The following ATP10B variants were observed in gnomAD, a reference collection of about 807,000 sequenced individuals.
ATP10B encodes the protein phospholipid-transporting ATPase VB.
ATP10B carries 122 observed loss-of-function variants against 141.2 expected under a neutral mutation model. That is an observed-to-expected ratio of 0.86 (90% CI 0.75 to 1.00). ATP10B has a LOEUF of 1.00. Ranked by LOEUF, ATP10B falls within the 50% of genes least tolerant of loss-of-function variation. ATP10B has a pLI of 0.00. For synonymous variants in ATP10B, 685 were observed against 692.0 expected, an observed-to-expected ratio of 0.99 and a Z score of 0.16; for missense variants, 1,876 against 1,825.3, an observed-to-expected ratio of 1.03 and a Z score of -0.51.
chr5:160,909,571 G>T, the ATP10B span, among the ~76,000 whole-genome samples: 3 of 152,208 alleles, frequency 2.0e-5, no homozygotes, highest in Admixed American at 2.0e-4. Flanking sequence ...AGGTAACTGT[G>T]CATTTCCCAA....
At chr5:160,634,932 G>A (rs1171661558) in intron 11 of ATP10B, among the ~76,000 whole-genome samples, 1 of 152,260 alleles carries the variant, frequency 6.6e-6, no homozygotes. Context: ...GCTGCTGCCC[G>A]CTTTTATAGG....
intron 7 of ATP10B, among the ~76,000 whole-genome samples, chr5:160,655,460 G>C (rs1489911050): frequency 6.6e-6 from 1 of 151,962 alleles, no homozygotes; most frequent in Non-Finnish European, 1.5e-5. Context: ...TCTTCCTCTG[G>C]GGCATCTCCT....
chr5:160,914,338 T>C, the ATP10B span, among the ~76,000 whole-genome samples: 2 of 152,176 alleles, frequency 1.3e-5, no homozygotes, highest in East Asian at 3.9e-4. Context: ...ATGAACCAAC[T>C]ATAGTCATCC....
chr5:160,797,948 G>GAAAAAAAAAAAAA (rs34913318), intron 1 of ATP10B, among the ~76,000 whole-genome samples: 2 of 127,538 alleles, frequency 1.6e-5, no homozygotes, highest in Non-Finnish European at 3.4e-5. Context: ...AAGAAAAAAA[G>GAAAAAAAAAAAAA]AAAAAAAAAA....
At chr5:160,896,969 A>C in the ATP10B span, among the ~76,000 whole-genome samples, 1 of 152,222 alleles carries the variant, frequency 6.6e-6, no homozygotes, top group Non-Finnish European at 1.5e-5. Context: ...AGATGCAGAA[A>C]ATGCCTTTGA....
intron 18 of ATP10B, among the ~76,000 whole-genome samples, chr5:160,609,789 C>T (rs761495366): frequency 5.3e-5 from 8 of 152,136 alleles, no homozygotes; most frequent in African/African-American, 7.2e-5. Flanking sequence ...AGAGCCCAGA[C>T]GGGCCACAGG....
chr5:160,739,360 T>A (rs1767317975), intron 2 of ATP10B, among the ~76,000 whole-genome samples: 1 of 152,124 alleles, frequency 6.6e-6, no homozygotes, highest in Admixed American at 6.5e-5. Flanking sequence ...CAGACAATAG[T>A]CATATAGAAT....
chr5:160,634,651 C>A (rs370591339), intron 11 of ATP10B, 45 bp from the exon 12 acceptor site: 3 of 1,555,268 alleles, frequency 1.9e-6, no homozygotes, highest in Non-Finnish European at 2.6e-6. Context: ...AGGCAGGTTC[C>A]CTCCCTTGGG....
chr5:160,640,415 A>C lies in ATP10B; in HGVS notation c.1000+46T>G, dbSNP rs752873833. 57 of 1,589,564 alleles carry C rather than the reference A, an allele frequency of 3.6e-5. No homozygotes were observed. The Admixed American group carries it at 3.7e-4, about 10-fold the overall frequency. On this transcript the variant is annotated intron_variant, in intron 10 of 25. Transcript: ENST00000327245. ...TGAGGAAGCTGAAGAAACTTGCCCA[A>C]ATAAATCGATTACTGTGTCCTTGTT...
chr5:160,843,893 CT>C (rs1176645646), intron 1 of ATP10B, among the ~76,000 whole-genome samples: 1 of 151,682 alleles, frequency 6.6e-6, no homozygotes, highest in Non-Finnish European at 1.5e-5. Flanking sequence ...AAATTTTATA[CT>C]TTTCTGTAAT....
rs1165018457 is a variant in ATP10B at position 160,620,675 on chromosome 5, G to A, written c.2088C>T (p.Gly696=). Residue 696 remains glycine (G), a synonymous_variant, in exon 15 of 26, where the codon GGC becomes GGT. Coordinates refer to ENST00000327245, the MANE Select transcript of ATP10B (RefSeq NM_025153.3). ...DQGDILESGS[G]TSLEEALEAP... is the part of the protein sequence containing the mutation. ...CCTCCAATGCCTCCTCCAAGGAAGT[G>A]CCTGACCCAGACTCCAGGATGTCGC... 3 of 1,613,838 alleles carry A rather than the reference G, an allele frequency of 1.9e-6. No homozygotes were observed. The highest frequency in any genetic ancestry group is 1.7e-6 in the Non-Finnish European group (2 of 1,179,794).
intron 6 of ATP10B, among the ~76,000 whole-genome samples, chr5:160,672,650 C>A (rs1363193): frequency 6.6e-6 from 1 of 152,106 alleles, no homozygotes; most frequent in African/African-American, 2.4e-5. Context: ...GCAGCCAGAC[C>A]GGGAGAAGCA....
intron 10 of ATP10B, among the ~76,000 whole-genome samples, chr5:160,637,120 C>T (rs1759460861): frequency 1.4e-5 from 1 of 71,100 alleles, no homozygotes; most frequent in South Asian, 5.9e-4. Flanking sequence ...ACTCACCCAT[C>T]TATCCATCTA....
In ATP10B at chr5:160,649,259, G is replaced by A. The variant is rs772756799; in HGVS notation, c.676-3C>T. On this transcript the variant is annotated splice_polypyrimidine_tract_variant and splice_region_variant and intron_variant, in intron 7 of 25. Coordinates refer to ENST00000327245, the MANE Select transcript of ATP10B (RefSeq NM_025153.3). ...AGCTCTGGTTCGAACTGTACCTCCT[G>A]TGAGAGAGAGGACTCTGTGAGTTTA... 2 of 1,610,182 alleles carry A rather than the reference G, an allele frequency of 1.2e-6. No homozygotes were observed. Among genetic ancestry groups the A allele is most frequent in the South Asian group, 2.2e-5 (2 of 90,982 alleles).
intron 2 of ATP10B, among the ~76,000 whole-genome samples, chr5:160,751,979 A>C (rs1462866097): frequency 6.6e-6 from 1 of 152,176 alleles, no homozygotes; most frequent in Non-Finnish European, 1.5e-5. Context: ...ATGAGCGTAC[A>C]TCCCCCTAAT....
In ATP10B at chr5:160,563,674, C is replaced by A. The variant is rs544408284; in HGVS notation, c.*1779G>T. 13 of 152,282 alleles carry A rather than the reference C, an allele frequency of 8.5e-5. No homozygotes were observed. Among genetic ancestry groups the A allele is most frequent in the Admixed American group, 6.5e-4 (10 of 15,296 alleles). 9.4% of individuals were successfully genotyped at this position (152,282 alleles called of 1,614,324 possible). A position where few individuals can be genotyped will look rare whatever the true frequency, so the allele number is the denominator to read the frequency against. On this transcript the variant is annotated 3_prime_UTR_variant, in exon 26 of 26. Transcript: ENST00000327245. The stretch of plus-strand genomic sequence containing the variant: ...GTGGCATTCTGCTTCAAGCCACCTG[C>A]ATCCTAGAGAGCAAGGATTCAAACT...
At chr5:160,605,394 C>G (rs1261667269) in intron 19 of ATP10B, among the ~76,000 whole-genome samples, 1 of 152,174 alleles carries the variant, frequency 6.6e-6, no homozygotes, top group African/African-American at 2.4e-5. Flanking sequence ...AACCTTTAAT[C>G]TCTTCTGTTA....
At chr5:160,923,375 A>G in the ATP10B span, among the ~76,000 whole-genome samples, 122 of 152,310 alleles carry the variant, frequency 8.0e-4, no homozygotes, top group African/African-American at 2.8e-3. Flanking sequence ...TTTAATAGGC[A>G]CTTAACCTTA....
intron 24 of ATP10B, among the ~76,000 whole-genome samples, chr5:160,584,026 A>T (rs1755720884): frequency 6.6e-6 from 1 of 151,794 alleles, no homozygotes; most frequent in Non-Finnish European, 1.5e-5. Flanking sequence ...CCCCCTTTCC[A>T]GGGGAGTGAA....
Sources: allele counts gnomAD v4.1 joint callset (sites outside exome capture counted in the v4.1 genomes callset), GRCh38; gene constraint gnomAD v4.1.1; transcripts MANE v1.5; gene names NCBI Gene and HGNC (gene_info 2026-07-23, HGNC 2026-07-21).